SCD5: variants seen among roughly 807,000 people sequenced by gnomAD.
SCD5 encodes the protein stearoyl-CoA desaturase 5, also known as acyl-CoA-desaturase 4.
A neutral mutation model predicts 30.4 loss-of-function variants in SCD5; 20 were observed. That is an observed-to-expected ratio of 0.66 (90% confidence interval 0.46 to 0.96). SCD5 has a LOEUF of 0.96. SCD5 is among the 40% of genes least tolerant of loss of function. SCD5 has a pLI of 0.00. For synonymous variants in SCD5, 173 were observed against 176.4 expected, an observed-to-expected ratio of 0.98 and a Z score of 0.16; for missense variants, 381 against 443.3, an observed-to-expected ratio of 0.86 and a Z score of 1.26.
At chr4:82,779,532 A>G (rs1033355657) in intron 1 of SCD5, among the ~76,000 whole-genome samples, 1 of 152,226 alleles carries the variant, frequency 6.6e-6, no homozygotes, top group Non-Finnish European at 1.5e-5. Context: ...TCAGTGGGCA[A>G]TGCTGTCCCA....
intron 3 of SCD5, among the ~76,000 whole-genome samples, chr4:82,649,477 C>CCAG (rs112706382): frequency 1.5e-3 from 235 of 152,212 alleles, no homozygotes; most frequent in African/African-American, 5.3e-3. Context: ...TGGGTACCTC[C>CCAG]CAGCAGCAAA....
At chr4:82,755,119 G>C (rs1370046748) in intron 1 of SCD5, among the ~76,000 whole-genome samples, 1 of 150,686 alleles carries the variant, frequency 6.6e-6, no homozygotes, top group Non-Finnish European at 1.5e-5. Flanking sequence ...AGAAGATGGG[G>C]GGTGAGGATG....
At chr4:82,784,339 A>T (rs927577659) in intron 1 of SCD5, among the ~76,000 whole-genome samples, 2 of 152,210 alleles carry the variant, frequency 1.3e-5, no homozygotes, top group African/African-American at 2.4e-5. Flanking sequence ...CACAATATAC[A>T]GCCTCATGGG....
chr4:82,777,333 T>A (rs1407319520), intron 1 of SCD5, among the ~76,000 whole-genome samples: 2 of 152,196 alleles, frequency 1.3e-5, no homozygotes, highest in African/African-American at 4.8e-5. Context: ...CGCCAAGAAT[T>A]GAGCAAAGTA....
intron 1 of SCD5, among the ~76,000 whole-genome samples, chr4:82,751,690 A>C (rs751375451): frequency 2.8e-4 from 43 of 152,180 alleles, no homozygotes; most frequent in Non-Finnish European, 5.3e-4. Flanking sequence ...GCACTGGTGC[A>C]ATCTCCGCGC....
intron 1 of SCD5, among the ~76,000 whole-genome samples, chr4:82,785,271 A>C (rs542420314): frequency 6.6e-6 from 1 of 152,240 alleles, no homozygotes; most frequent in Non-Finnish European, 1.5e-5. Flanking sequence ...TTATTTGCCT[A>C]AAAGCAGGAC....
chr4:82,726,266 A>G (rs964903943), intron 1 of SCD5, among the ~76,000 whole-genome samples: 1 of 151,668 alleles, frequency 6.6e-6, no homozygotes, highest in African/African-American at 2.4e-5. Flanking sequence ...AAAAATACAA[A>G]ATTAGCCGGG....
intron 1 of SCD5, among the ~76,000 whole-genome samples, chr4:82,768,954 T>C (rs1002512174): frequency 1.3e-5 from 2 of 152,072 alleles, no homozygotes; most frequent in South Asian, 2.1e-4. Context: ...TTTTTTTTTT[T>C]TTTAAGTAGT....
intron 3 of SCD5, among the ~76,000 whole-genome samples, chr4:82,672,479 T>G (rs1728348251): frequency 6.6e-6 from 1 of 152,124 alleles, no homozygotes; most frequent in South Asian, 2.1e-4. Context: ...AAAGGCACAA[T>G]CTACCAAAAC....
chr4:82,766,244 C>T (rs377630812), intron 1 of SCD5, among the ~76,000 whole-genome samples: 27 of 152,344 alleles, frequency 1.8e-4, no homozygotes, highest in African/African-American at 6.0e-4. Context: ...CTGACGCTGT[C>T]CCACAGCTCA....
At chr4:82,710,814 G>C (rs1349426278) in intron 1 of SCD5, among the ~76,000 whole-genome samples, 1 of 151,944 alleles carries the variant, frequency 6.6e-6, no homozygotes, top group Non-Finnish European at 1.5e-5. Flanking sequence ...GAGAGAGGGA[G>C]GGAGGGAGGG....
At chr4:82,763,660 C>T (rs900232416) in intron 1 of SCD5, among the ~76,000 whole-genome samples, 3 of 152,206 alleles carry the variant, frequency 2.0e-5, no homozygotes, top group African/African-American at 7.2e-5. Context: ...GGAAAGACCA[C>T]GTGAAGCGGC....
intron 3 of SCD5, among the ~76,000 whole-genome samples, chr4:82,661,918 T>G (rs1054845249): frequency 1.3e-5 from 2 of 152,178 alleles, no homozygotes; most frequent in African/African-American, 4.8e-5. Flanking sequence ...CTTCCTCCAC[T>G]GAGAGGTGGC....
chr4:82,731,443 G>A (rs1043037276), intron 1 of SCD5, among the ~76,000 whole-genome samples: 2 of 152,302 alleles, frequency 1.3e-5, no homozygotes, highest in African/African-American at 4.8e-5. Context: ...TCGGGGCAAT[G>A]AGACTTGCTG....
chr4:82,735,231 T>C (rs934546150), intron 1 of SCD5, among the ~76,000 whole-genome samples: 14 of 152,180 alleles, frequency 9.2e-5, no homozygotes, highest in Non-Finnish European at 2.1e-4. Flanking sequence ...CTGTATGGGT[T>C]TTCTCTGGGT....
At chr4:82,744,110 G>A (rs1720937210) in intron 1 of SCD5, among the ~76,000 whole-genome samples, 1 of 152,168 alleles carries the variant, frequency 6.6e-6, no homozygotes, top group African/African-American at 2.4e-5. Context: ...ACAGGTGTGA[G>A]CCATGGCGCC....
At chr4:82,666,182 G>A (rs1345440647) in intron 3 of SCD5, among the ~76,000 whole-genome samples, 1 of 152,104 alleles carries the variant, frequency 6.6e-6, no homozygotes, top group Non-Finnish European at 1.5e-5. Flanking sequence ...GAAAAAAGAA[G>A]AGACACTAAA....
intron 2 of SCD5, among the ~76,000 whole-genome samples, chr4:82,686,108 C>T (rs945234424): frequency 1.4e-4 from 22 of 151,956 alleles, no homozygotes; most frequent in Non-Finnish European, 1.5e-4. Context: ...TGGGCTCAAG[C>T]GATTCTCCCA....
At chr4:82,700,787 TAAAAAAAAAAAAAAAAAAAAAA>T (rs70938305) in intron 2 of SCD5, among the ~76,000 whole-genome samples, 1 of 63,802 alleles carries the variant, frequency 1.6e-5, no homozygotes, top group South Asian at 8.2e-4. Flanking sequence ...ACCCTGTCTC[TAAAAAAAAAAAAAAAAAAAAAA>T]AAAAAAAAAA....
Sources: gnomAD v4.1 joint callset for allele counts (sites outside exome capture counted in the v4.1 genomes callset) on GRCh38, gnomAD v4.1.1 for gene constraint, MANE v1.5 for transcripts, NCBI Gene and HGNC (gene_info 2026-07-23, HGNC 2026-07-21) for gene names.